The following MICALL1 variants were observed in gnomAD, a reference collection of about 807,000 sequenced individuals.
MICALL1 encodes the protein MICAL like 1.
MICALL1 carries 61 observed loss-of-function variants against 83.7 expected under a neutral mutation model. The ratio of observed to expected loss-of-function variants is 0.73; its 90% CI spans 0.59 to 0.90. The LOEUF is 0.90. Among genes scored for constraint, MICALL1 ranks in the 40% least tolerant of loss-of-function variants. MICALL1 has a pLI of 0.00. For synonymous variants in MICALL1, 481 were observed against 473.6 expected (o/e 1.02, Z -0.20); for missense variants, 1,066 against 1,152.0 (o/e 0.93, Z 1.08).
chr22:37,912,041 A>G (rs1928359623), intron 2 of MICALL1, 41 bp downstream of exon 2: 11 of 1,518,086 alleles, frequency 7.2e-6, no homozygotes, highest in African/African-American at 2.8e-5. Flanking sequence ...GGCTCTGTGT[A>G]TGTGTGTGTG....
Position 37,933,081 on chromosome 22 carries a change from G to A in MICALL1, c.2277G>A (p.Glu759=). ...QNLEQRQADV[E]YELRCLLNKP... ...TGGAGCAGCGCCAGGCTGATGTCGA[G>A]TATGAGCTCCGGTGCCTCCTCAATA... The change falls in exon 13 of 16, where the codon GAG becomes GAA. Residue 759 remains glutamate, a synonymous_variant. Transcript: ENST00000215957. 1 of 1,614,022 alleles carries A rather than the reference G, an allele frequency of 6.2e-7. No homozygotes were observed. Among genetic ancestry groups the A allele is most frequent in the Non-Finnish European group, 8.5e-7 (1 of 1,180,006 alleles).
At position 37,912,506 on chromosome 22, in the gene MICALL1, T is replaced by C; in HGVS notation, c.337+14T>C. ...GTCCTGGCCAAGGTGAGAGGGGGAC[T>C]CAGCGTTTCACGGAGGCTGGCCCAG... On this transcript the variant is annotated intron_variant, in intron 3 of 15. Coordinates refer to ENST00000215957, the MANE Select transcript of MICALL1 (RefSeq NM_033386.4). The C allele has an allele frequency of 1.9e-6, 3 of 1,583,904 alleles. No homozygotes were observed. Among genetic ancestry groups the C allele is most frequent in the Non-Finnish European group, 2.6e-6 (3 of 1,158,696 alleles).
In MICALL1 at chr22:37,935,271, A is replaced by T. The variant is rs545401266; in HGVS notation, c.2309-1809A>T. Among the ~76,000 whole-genome samples the T allele has an allele frequency of 5.8e-3, 802 of 139,224 alleles. 4 individuals are homozygous for T. The highest frequency in any genetic ancestry group is 0.013 in the Middle Eastern group (3 of 230). 91.3% of individuals were successfully genotyped at this position (139,224 alleles called of 152,430 possible). A position where few individuals can be genotyped will look rare whatever the true frequency, so the allele number is the denominator to read the frequency against. ...TATTATTATTATTTTATTTTATTTT[A>T]TTTTTTTGAGTCAGAGTCTCGCTCT... On this transcript the variant is annotated intron_variant, in intron 13 of 15. Coordinates refer to ENST00000215957, the MANE Select transcript of MICALL1 (RefSeq NM_033386.4).
chr22:37,938,612 C>T (rs1005721963), intron 15 of MICALL1, among the ~76,000 whole-genome samples: 1 of 150,260 alleles, frequency 6.7e-6, no homozygotes, highest in African/African-American at 2.5e-5. Context: ...TGCCATCACA[C>T]CCAGCTAATT....
At chr22:37,913,828 C>G (rs1156272077) in intron 3 of MICALL1, among the ~76,000 whole-genome samples, 1 of 152,086 alleles carries the variant, frequency 6.6e-6, no homozygotes, top group Non-Finnish European at 1.5e-5. Flanking sequence ...CCCATTTCAG[C>G]CCCTCCCTCC....
rs983543276 is a variant in MICALL1, at chr22:37,909,855, G to A, written c.147-2097G>A. Among the ~76,000 whole-genome samples, 8 of 152,344 alleles carry A rather than the reference G, an allele frequency of 5.3e-5. No individual in the cohort carries two copies. The East Asian group carries it at 9.6e-4, about 18-fold the overall frequency. On this transcript the variant is annotated intron_variant, in intron 1 of 15. Coordinates refer to ENST00000215957, the MANE Select transcript of MICALL1 (RefSeq NM_033386.4). ...TCAGTGATGGGTTGGGAGGATCTCC[G>A]TGAGAATAGGAGTGGCCTAGAGTGA...
intron 3 of MICALL1, among the ~76,000 whole-genome samples, chr22:37,915,477 C>T (rs985533072): frequency 6.6e-6 from 1 of 152,076 alleles, no homozygotes; most frequent in Non-Finnish European, 1.5e-5. Flanking sequence ...TCAAAATTTT[C>T]ACTCTGCCAT....
rs1243862844 is a variant in MICALL1 at position 37,927,472 on chromosome 22, C to T, written c.1527C>T (p.Leu509=). Residue 509 remains leucine (L), a synonymous_variant, in exon 9 of 16, where the codon CTC becomes CTT. Coordinates refer to ENST00000215957, the MANE Select transcript of MICALL1 (RefSeq NM_033386.4). ...CCTCGGCCACACCATCGCCAGCGCT[C>T]AGCGTGGAGAGCCTGTCGTCTGAGA... ...EPPSATPSPA[L]SVESLSSESA... is the part of the protein sequence containing the mutation. 1 of 1,609,418 alleles carries T rather than the reference C, an allele frequency of 6.2e-7. No homozygotes were observed. Among genetic ancestry groups the T allele is most frequent in the South Asian group, 1.1e-5 (1 of 91,012 alleles).
rs1164011225 is a variant in MICALL1, at chr22:37,932,716, T to TG, written c.2143+42dup. The stretch of plus-strand genomic sequence containing the variant: ...GCTGGGAGGGCCTGCTGGGTGGGGC[T>TG]GGGGGCAGGAGCCTCTATTCCCCGG... On this transcript the variant is annotated intron_variant, in intron 11 of 15. Coordinates refer to ENST00000215957, the MANE Select transcript of MICALL1 (RefSeq NM_033386.4). This position sits in a 1 kb window ranked among gnomAD's most constrained non-coding sequence, Gnocchi z 4.4. The TG allele has an allele frequency of 3.7e-6, 6 of 1,611,568 alleles. No homozygotes were observed. In the African/African-American group the frequency reaches 4.0e-5, roughly 11 times the overall value.
intron 6 of MICALL1, among the ~76,000 whole-genome samples, chr22:37,922,792 T>G (rs1437224667): frequency 3.6e-5 from 5 of 139,688 alleles, no homozygotes; most frequent in African/African-American, 1.1e-4. Flanking sequence ...TTTTGTTTTT[T>G]TTTGTTTTTT....
At position 37,932,904 on chromosome 22, in the gene MICALL1, T is replaced by C; in HGVS notation, c.2234+16T>C. The C allele has an allele frequency of 6.2e-7, 1 of 1,613,802 alleles. No homozygotes were observed. The highest frequency in any genetic ancestry group is 8.5e-7 in the Non-Finnish European group (1 of 1,179,756). On this transcript the variant is annotated intron_variant, in intron 12 of 15. Transcript: ENST00000215957. This position sits in a 1 kb window ranked among gnomAD's most constrained non-coding sequence, Gnocchi z 4.4. Reference sequence around the variant, plus strand: ...TCATCTATGTGTGAGTCCCCCCGCCTGGGGCATCCCTCCCTGGAATCCGTA... The same window carrying C: ...TCATCTATGTGTGAGTCCCCCCGCCCGGGGCATCCCTCCCTGGAATCCGTA...
chr22:37,932,967 C>G lies in MICALL1; in HGVS notation c.2235-72C>G. On this transcript the variant is annotated intron_variant, in intron 12 of 15. Transcript: ENST00000215957. The surrounding 1 kb of genome is among the most constrained non-coding windows in gnomAD (Gnocchi z 4.4). ...GAGAACCCTTACCCTCTTCCCTCAT[C>G]AGTAACAGCGCAGGGCAGGGCAGCC... 6.2e-7 allele frequency: 1 copy of G among 1,611,678 alleles called. No homozygotes were observed. The highest frequency in any genetic ancestry group is 8.5e-7 in the Non-Finnish European group (1 of 1,177,860).
chr22:37,921,619 C>T (rs950292801), intron 5 of MICALL1, among the ~76,000 whole-genome samples: 1 of 152,112 alleles, frequency 6.6e-6, no homozygotes, highest in East Asian at 1.9e-4. Context: ...CAAAACAACA[C>T]CTGATTGGGT....
At chr22:37,920,997 A>G (rs1202233775) in intron 5 of MICALL1, among the ~76,000 whole-genome samples, 3 of 151,938 alleles carry the variant, frequency 2.0e-5, no homozygotes, top group Non-Finnish European at 4.4e-5. Flanking sequence ...CTGAGGCAGG[A>G]GGATCACTTG....
At position 37,925,803 on chromosome 22, in the gene MICALL1, G is replaced by T. The variant is rs780253569; in HGVS notation, c.1225G>T (p.Glu409Ter). The change falls in exon 8 of 16, where the codon GAG becomes TAG. Residue 409 changes from glutamate (E) to a stop codon, truncating the protein, a stop_gained. Coordinates refer to ENST00000215957, the MANE Select transcript of MICALL1 (RefSeq NM_033386.4). LOFTEE classifies it high-confidence loss of function. ...SRQVENGGTEEVAQPSPTASL... is the reference protein window; with the variant it reads ...SRQVENGGTE Reference sequence around the variant, plus strand: ...GCAGGTGGAGAATGGAGGCACCGAGGAGGTGGCCCAGCCGAGCCCAACGGC... The same window carrying T: ...GCAGGTGGAGAATGGAGGCACCGAGTAGGTGGCCCAGCCGAGCCCAACGGC... The T allele has an allele frequency of 6.2e-7, 1 of 1,613,724 alleles. No homozygotes were observed. The highest frequency in any genetic ancestry group is 2.2e-5 in the East Asian group (1 of 44,866).
In MICALL1 at chr22:37,932,684, G is replaced by A. The variant is rs527922844; in HGVS notation, c.2143+5G>A. 6.2e-4 allele frequency: 1,007 copies of A among 1,613,116 alleles called. 16 individuals are homozygous for A. In the South Asian group the frequency reaches 0.01, roughly 17 times the overall value. Reference sequence around the variant, plus strand: ...AGCTGCGTGGCGGCCTGAATGGTGCGGGAGCGGCTGGGAGGGCCTGCTGGG... The same window carrying A: ...AGCTGCGTGGCGGCCTGAATGGTGCAGGAGCGGCTGGGAGGGCCTGCTGGG... On this transcript the variant is annotated splice_donor_5th_base_variant and intron_variant, in intron 11 of 15. Transcript: ENST00000215957. This position sits in a 1 kb window ranked among gnomAD's most constrained non-coding sequence, Gnocchi z 4.4.
At chr22:37,921,289 C>T (rs950161773) in intron 5 of MICALL1, among the ~76,000 whole-genome samples, 4 of 151,992 alleles carry the variant, frequency 2.6e-5, no homozygotes, top group Admixed American at 2.0e-4. Flanking sequence ...AAAACACAGC[C>T]GGAAGTAGTG....
chr22:37,935,605 T>C (rs1474697466), intron 13 of MICALL1, among the ~76,000 whole-genome samples: 1 of 151,680 alleles, frequency 6.6e-6, no homozygotes, highest in Non-Finnish European at 1.5e-5. Context: ...CAGGCTGAAG[T>C]GCAATGGCGT....
intron 15 of MICALL1, among the ~76,000 whole-genome samples, chr22:37,938,423 A>G (rs1930255581): frequency 6.8e-6 from 1 of 146,752 alleles, no homozygotes; most frequent in South Asian, 2.2e-4. Flanking sequence ...AAAAAAAAGT[A>G]CTGGACTGTA....
Sources: gnomAD v4.1 joint callset for allele counts (sites outside exome capture counted in the v4.1 genomes callset) on GRCh38, gnomAD v4.1.1 for gene constraint, Gnocchi (gnomAD v3.1) non-coding constraint, MANE v1.5 for transcripts, NCBI Gene and HGNC (gene_info 2026-07-23, HGNC 2026-07-21) for gene names.